Variants in CYP3A7 observed in about 807,000 individuals in gnomAD.
CYP3A7 encodes cytochrome P450 family 3 subfamily A member 7.
In CYP3A7, 45 loss-of-function variants were observed where a neutral mutation model predicts 55.2. The observed-to-expected ratio is 0.82, with a 90% CI of 0.64 to 1.05. The LOEUF is 1.05. Ranked by LOEUF, CYP3A7 falls within the 50% of genes least tolerant of loss-of-function variation. The probability of loss-of-function intolerance (pLI) is 0.00; values close to 1 mark genes in which losing one functional copy is unlikely to be tolerated. For missense variants in CYP3A7, 548 were observed against 605.3 expected (o/e 0.91, Z 0.99); for synonymous variants, 180 against 207.4 (o/e 0.87, Z 1.13).
Position 99,710,750 on chromosome 7 carries a change from A to G in CYP3A7, c.1008T>C (p.Asp336=). 6.2e-7 allele frequency: 1 copy of G among 1,613,896 alleles called. No homozygotes were observed. Among genetic ancestry groups the G allele is most frequent in the Non-Finnish European group, 8.5e-7 (1 of 1,179,864 alleles). The change falls in exon 10 of 13, where the codon GAT becomes GAC. Residue 336 remains aspartate, a synonymous_variant. Transcript: ENST00000336374. The part of the protein sequence containing the change: ...DVQQKVQKEI[D]TVLPNKAPPT... Reference sequence around the variant, plus strand: ...CACTCACCTTATTGGGTAAAACTGTATCAATTTCCTTCTGCACTTTCTGCT... The same window carrying G: ...CACTCACCTTATTGGGTAAAACTGTGTCAATTTCCTTCTGCACTTTCTGCT...
chr7:99,716,802 C>A (rs1055076788), intron 6 of CYP3A7, among the ~76,000 whole-genome samples: 3 of 152,182 alleles, frequency 2.0e-5, no homozygotes, highest in African/African-American at 7.2e-5. Flanking sequence ...AACTTTCCCA[C>A]CCTACTCACT....
intron 1 of CYP3A7, 81 bp from the exon 2 acceptor site, chr7:99,731,233 T>C (rs537550440): frequency 1.3e-6 from 2 of 1,523,342 alleles, no homozygotes; most frequent in East Asian, 2.3e-5. Flanking sequence ...ACTGAGGAAC[T>C]GGAATGATCA....
At chr7:99,734,264 A>G (rs1372272760) in intron 1 of CYP3A7, among the ~76,000 whole-genome samples, 1 of 152,258 alleles carries the variant, frequency 6.6e-6, no homozygotes, top group Non-Finnish European at 1.5e-5. Context: ...AAATTGAGTT[A>G]GAAGTAAAAT....
At chr7:99,731,991 C>A (rs1814647003) in intron 1 of CYP3A7, among the ~76,000 whole-genome samples, 1 of 152,158 alleles carries the variant, frequency 6.6e-6, no homozygotes, top group African/African-American at 2.4e-5. Context: ...TGGTGATATC[C>A]ACCTGATAAG....
intron 1 of CYP3A7, among the ~76,000 whole-genome samples, chr7:99,731,692 G>T (rs1281929944): frequency 6.6e-6 from 1 of 152,170 alleles, no homozygotes; most frequent in Admixed American, 6.6e-5. Flanking sequence ...TCTAAGCTCT[G>T]ACCCTGTTTT....
chr7:99,712,414 C>T (rs1276678005), intron 9 of CYP3A7, among the ~76,000 whole-genome samples: 1 of 152,210 alleles, frequency 6.6e-6, no homozygotes, highest in African/African-American at 2.4e-5. Context: ...CCACTATTGA[C>T]ATGTGGCTAT....
chr7:99,721,742 C>T (rs1341085819), intron 3 of CYP3A7, among the ~76,000 whole-genome samples: 6 of 151,266 alleles, frequency 4.0e-5, no homozygotes, highest in Non-Finnish European at 7.4e-5. Flanking sequence ...AATTATGACA[C>T]GTGTGTGTGT....
rs146917451 is a variant in CYP3A7 at position 99,718,877 on chromosome 7, A to G, written c.319-1238T>C. On this transcript the variant is annotated intron_variant, in intron 4 of 12. Transcript: ENST00000336374. ...GTACCAACAATCAATATCTGAAAAT[A>G]CAAGAAAAACATAATATCATTTACA... is the stretch of plus-strand genomic sequence containing the variant. 9.5e-3 allele frequency among the ~76,000 whole-genome samples: 1,452 copies of G among 152,360 alleles called. 19 individuals are homozygous for G. Among genetic ancestry groups the G allele is most frequent in the African/African-American group, 0.033 (1,392 of 41,590 alleles).
At chr7:99,706,774 A>G (rs970757085) in intron 12 of CYP3A7, among the ~76,000 whole-genome samples, 1 of 152,264 alleles carries the variant, frequency 6.6e-6, no homozygotes, top group African/African-American at 2.4e-5. Flanking sequence ...TAAAAAACTT[A>G]ATATTTGTAT....
chr7:99,734,605 CT>C (rs997971354), intron 1 of CYP3A7, among the ~76,000 whole-genome samples: 2 of 149,986 alleles, frequency 1.3e-5, no homozygotes, highest in African/African-American at 2.5e-5. Flanking sequence ...CCTTGAAAAT[CT>C]TTTTTTTTCT....
At chr7:99,731,429 G>A (rs1368747656) in intron 1 of CYP3A7, among the ~76,000 whole-genome samples, 1 of 152,216 alleles carries the variant, frequency 6.6e-6, no homozygotes, top group Non-Finnish European at 1.5e-5. Context: ...GTTCTCAAAT[G>A]TGAATGATCC....
chr7:99,722,305 T>G lies in CYP3A7; in HGVS notation c.209A>C (p.Lys70Thr). ...CTTCCAGAATACTCACCCCCAGACT[T>G]TTCTATACTTTTTATAACATTCCAT... is the stretch of plus-strand genomic sequence containing the variant. ...FDMECYKKYR[K>T]VWGIYDCQQP... Residue 70 changes from lysine to threonine, a missense_variant, in exon 3 of 13, where the codon AAA becomes ACA. Transcript: ENST00000336374. 2 of 1,613,624 alleles carry G rather than the reference T, an allele frequency of 1.2e-6. No individual in the cohort carries two copies. Among genetic ancestry groups the G allele is most frequent in the Non-Finnish European group, 8.5e-7 (1 of 1,179,650 alleles).
chr7:99,713,447 C>G, intron 9 of CYP3A7, 22 bp downstream of exon 9: 2 of 1,613,200 alleles, frequency 1.2e-6, no homozygotes, highest in Non-Finnish European at 1.7e-6. Context: ...ACCAGTAGCC[C>G]TCAGAAGCAC....
intron 2 of CYP3A7, among the ~76,000 whole-genome samples, chr7:99,726,735 C>G (rs956476122): frequency 6.6e-6 from 1 of 152,230 alleles, no homozygotes; most frequent in Non-Finnish European, 1.5e-5. Flanking sequence ...TGATGACCTT[C>G]TACTCTGTAG....
intron 5 of CYP3A7, 37 bp from the exon 6 acceptor site, chr7:99,717,302 T>C: frequency 6.2e-7 from 1 of 1,613,790 alleles, no homozygotes; most frequent in Non-Finnish European, 8.5e-7. Flanking sequence ...TAGTTAAATG[T>C]GCAGACATAA....
chr7:99,705,252 T>C lies in CYP3A7; in HGVS notation c.*248A>G, dbSNP rs983813819. The stretch of plus-strand genomic sequence containing the variant: ...TAACTGGGGGTGGTGGAGATAGTCC[T>C]ATGAGAAGCAGAGAAGCCAAATCTA... On this transcript the variant is annotated 3_prime_UTR_variant, in exon 13 of 13. Coordinates refer to ENST00000336374, the MANE Select transcript of CYP3A7 (RefSeq NM_000765.5). The C allele has an allele frequency of 9.6e-5, 41 of 425,000 alleles. No individual in the cohort carries two copies. Among genetic ancestry groups the C allele is most frequent in the Non-Finnish European group, 1.6e-4 (38 of 230,826 alleles). The allele number at this position is 425,000 out of a possible 1,614,324, so 26.3% of individuals were successfully genotyped here.
In CYP3A7 at chr7:99,722,345, A is replaced by G. The variant is rs767430520; in HGVS notation, c.169T>C (p.Tyr57His). The part of the protein sequence containing the change: ...LGNALSFRKG[Y>H]WTFDMECYKK... ...TAACATTCCATGTCAAACGTCCAAT[A>G]GCCCTGGGAGGAGAAACAAAATAAT... The change falls in exon 3 of 13, where the codon TAT becomes CAT. Residue 57 changes from tyrosine (Y) to histidine (H), a missense_variant. Tyr to His is a moderately conservative substitution (Grantham distance 83). Coordinates refer to ENST00000336374, the MANE Select transcript of CYP3A7 (RefSeq NM_000765.5). 36 of 1,613,572 alleles carry G rather than the reference A, an allele frequency of 2.2e-5. No homozygotes were observed. The highest frequency in any genetic ancestry group is 2.5e-5 in the Non-Finnish European group (30 of 1,179,652).
chr7:99,728,464 G>A (rs1164830012), intron 2 of CYP3A7, among the ~76,000 whole-genome samples: 1 of 152,080 alleles, frequency 6.6e-6, no homozygotes, highest in Non-Finnish European at 1.5e-5. Context: ...TGACCACTAA[G>A]GGCTGATGCC....
chr7:99,712,787 C>G (rs1227617593), intron 9 of CYP3A7, among the ~76,000 whole-genome samples: 2 of 152,130 alleles, frequency 1.3e-5, no homozygotes, highest in Non-Finnish European at 2.9e-5. Context: ...ATTGCCAAAT[C>G]TTGGTGGCTT....
Sources: gnomAD v4.1 joint callset for allele counts (sites outside exome capture counted in the v4.1 genomes callset) on GRCh38, gnomAD v4.1.1 for gene constraint, MANE v1.5 for transcripts, NCBI Gene and HGNC (gene_info 2026-07-23, HGNC 2026-07-21) for gene names.